Variants in DENND4A observed in about 807,000 individuals in gnomAD.
DENND4A encodes DENN domain containing 4A, also known as C-myc promoter-binding protein.
A neutral mutation model predicts 199.3 loss-of-function variants in DENND4A; 70 were observed. The observed-to-expected ratio is 0.35, with a 90% CI of 0.29 to 0.43. The LOEUF (loss-of-function observed/expected upper bound fraction) is 0.43, where lower values mean the gene tolerates loss of function less well. Among genes scored for constraint, DENND4A ranks in the 20% least tolerant of loss-of-function variants. DENND4A has a pLI of 1.00. For synonymous variants in DENND4A, 686 were observed against 766.9 expected (o/e 0.89, Z 1.74); for missense variants, 1,723 against 2,255.8 (o/e 0.76, Z 4.78).
Position 65,702,912 on chromosome 15 carries a change from A to C in DENND4A, c.2184T>G (p.Ser728Arg). ...KKNKLPSKSS[S>R]PNSPLPMFRR... The stretch of plus-strand genomic sequence containing the variant: ...TGAACATGGGCAAAGGGCTATTAGG[A>C]CTACTTGATTTTGAAGGCAATTTGT... The change falls in exon 16 of 33, where the codon AGT (serine) becomes AGG (arginine). Residue 728 changes from serine to arginine, a missense_variant. Around this residue, in one of 6 missense-constraint regions of DENND4A, gnomAD observed 725 missense variants for 952.9 expected, o/e 0.76. Coordinates refer to ENST00000443035, the MANE Select transcript of DENND4A (RefSeq NM_001320835.1). 1 of 1,613,390 alleles carries C rather than the reference A, an allele frequency of 6.2e-7. No individual in the cohort carries two copies. Among genetic ancestry groups the C allele is most frequent in the South Asian group, 1.1e-5 (1 of 91,062 alleles).
At chr15:65,730,430 A>C (rs1343120694) in intron 9 of DENND4A, among the ~76,000 whole-genome samples, 1 of 152,128 alleles carries the variant, frequency 6.6e-6, no homozygotes, top group Non-Finnish European at 1.5e-5. Flanking sequence ...ATATGTCCAC[A>C]AAAAAATCGG....
Position 65,706,323 on chromosome 15 carries a change from A to C in DENND4A, c.1954-99T>G, listed in dbSNP as rs149555174. 3.5e-4 allele frequency: 406 copies of C among 1,146,920 alleles called. 1 individual carries two copies. The African/African-American group carries it at 5.9e-3, about 17-fold the overall frequency. 71.0% of individuals were successfully genotyped at this position (1,146,920 alleles called of 1,614,324 possible). On this transcript the variant is annotated intron_variant, in intron 14 of 32. Coordinates refer to ENST00000443035, the MANE Select transcript of DENND4A (RefSeq NM_001320835.1). ...TAAATAAACCATCTGCACAATGGAT[A>C]CTAAACAGCTATTAAAAAAGAAGAG...
intron 4 of DENND4A, among the ~76,000 whole-genome samples, chr15:65,745,020 C>A (rs2076353301): frequency 6.6e-6 from 1 of 152,134 alleles, no homozygotes; most frequent in Non-Finnish European, 1.5e-5. Context: ...ACTTTGGTTT[C>A]TCTGATATTT....
At chr15:65,767,358 G>A (rs890838371) in intron 1 of DENND4A, 9 of 152,200 alleles carry the variant, frequency 5.9e-5, no homozygotes, top group African/African-American at 2.2e-4. Flanking sequence ...TGAGGGTACA[G>A]ATTTTTCTGT....
In DENND4A at chr15:65,670,201, A is replaced by G; in HGVS notation, c.4465-13T>C. The G allele has an allele frequency of 1.4e-6, 2 of 1,476,644 alleles. No homozygotes were observed. The highest frequency in any genetic ancestry group is 2.4e-5 in the East Asian group (1 of 42,480). The allele number at this position is 1,476,644 out of a possible 1,614,324, so 91.5% of individuals were successfully genotyped here. On this transcript the variant is annotated splice_polypyrimidine_tract_variant and intron_variant, in intron 25 of 32. Transcript: ENST00000443035. The stretch of plus-strand genomic sequence containing the variant: ...TTGAGATGAGAACCTGTGGGAGAAG[A>G]TAGCACTTTATAAAGAAAGCTGGTT...
At chr15:65,698,304 T>C (rs976608113) in intron 20 of DENND4A, among the ~76,000 whole-genome samples, 1 of 150,038 alleles carries the variant, frequency 6.7e-6, no homozygotes, top group Non-Finnish European at 1.5e-5. Context: ...ATAAAAAAAT[T>C]TTCTAATACA....
At chr15:65,664,818 C>T (rs2075982728) in intron 30 of DENND4A, 96 bp from the exon 31 acceptor site, 1 of 1,081,726 alleles carries the variant, frequency 9.2e-7, no homozygotes. Flanking sequence ...TTACAAAGCA[C>T]TAAAAATAAA....
chr15:65,706,685 G>A (rs968796304), intron 14 of DENND4A, among the ~76,000 whole-genome samples: 4 of 152,094 alleles, frequency 2.6e-5, no homozygotes, highest in Non-Finnish European at 2.9e-5. Flanking sequence ...TAGTAGAGAC[G>A]GGGTTTCACC....
intron 11 of DENND4A, among the ~76,000 whole-genome samples, chr15:65,724,561 A>G (rs185658853): frequency 2.6e-5 from 4 of 152,272 alleles, no homozygotes. Context: ...TACAGAACAA[A>G]AAAGGGCAAA....
At chr15:65,714,914 C>G (rs2075351879) in intron 14 of DENND4A, among the ~76,000 whole-genome samples, 1 of 152,094 alleles carries the variant, frequency 6.6e-6, no homozygotes, top group African/African-American at 2.4e-5. Flanking sequence ...TTTTGAAACC[C>G]CTCTCTGGAC....
intron 5 of DENND4A, among the ~76,000 whole-genome samples, chr15:65,740,298 G>C (rs908462885): frequency 6.8e-6 from 1 of 147,682 alleles, no homozygotes; most frequent in Non-Finnish European, 1.5e-5. Context: ...AAAAAAGAAA[G>C]AAAAAAAAAG....
rs936292303 is a variant in DENND4A at position 65,752,357 on chromosome 15, C to T, written c.561+22G>A. The T allele has an allele frequency of 3.0e-6, 4 of 1,328,230 alleles. No individual in the cohort carries two copies. In the African/African-American group the frequency reaches 6.3e-5, roughly 21 times the overall value. 82.3% of individuals were successfully genotyped at this position (1,328,230 alleles called of 1,614,324 possible). ...CTCTTTTCATCAGTGGTTAATGTTA[C>T]CAGTGCAAGTAAGTCACTTACCATA... is the stretch of plus-strand genomic sequence containing the variant. On this transcript the variant is annotated intron_variant, in intron 4 of 32. Coordinates refer to ENST00000443035, the MANE Select transcript of DENND4A (RefSeq NM_001320835.1).
In DENND4A at chr15:65,771,874, T is replaced by A. The variant is rs1044777391; in HGVS notation, c.-101-10436A>T. The A allele has an allele frequency of 2.3e-5, 37 of 1,611,812 alleles. 1 individual carries two copies. The highest frequency in any genetic ancestry group is 5.9e-6 in the Non-Finnish European group (7 of 1,179,586). Reference sequence around the variant, plus strand: ...AGCATTCCCAACCTTTTTAAAAGCATCTGTTGCTCCAGGTGCATGGTTTTT... The same window carrying A: ...AGCATTCCCAACCTTTTTAAAAGCAACTGTTGCTCCAGGTGCATGGTTTTT... On this transcript the variant is annotated intron_variant, in intron 1 of 32. Coordinates refer to ENST00000443035, the MANE Select transcript of DENND4A (RefSeq NM_001320835.1).
At chr15:65,702,231 T>G in intron 17 of DENND4A, 74 bp downstream of exon 17, 2 of 1,229,334 alleles carry the variant, frequency 1.6e-6, no homozygotes, top group African/African-American at 1.5e-5. Flanking sequence ...ACTGCATCAC[T>G]GCACTCCAGC....
intron 9 of DENND4A, 152 bp downstream of exon 9, chr15:65,731,490 C>G (rs1339071543): frequency 1.4e-6 from 1 of 701,690 alleles, no homozygotes; most frequent in African/African-American, 1.8e-5. Flanking sequence ...TTAATAACTG[C>G]AACCCAAACA....
At chr15:65,786,463 C>T (rs1293571391) in intron 1 of DENND4A, among the ~76,000 whole-genome samples, 2 of 152,050 alleles carry the variant, frequency 1.3e-5, no homozygotes, top group African/African-American at 4.8e-5. Flanking sequence ...GGCACAGTTG[C>T]TCATGCCTAT....
intron 8 of DENND4A, among the ~76,000 whole-genome samples, chr15:65,731,933 T>TC (rs1243411514): frequency 6.6e-6 from 1 of 152,070 alleles, no homozygotes; most frequent in Non-Finnish European, 1.5e-5. Context: ...CTCAATGGTT[T>TC]CCCCTGATGC....
chr15:65,670,288 G>T (rs1375099858), intron 25 of DENND4A, 100 bp from the exon 26 acceptor site: 2 of 998,326 alleles, frequency 2.0e-6, no homozygotes, highest in Middle Eastern at 2.4e-4. Flanking sequence ...TTAAAACCCA[G>T]AAGGATTCAG....
intron 11 of DENND4A, among the ~76,000 whole-genome samples, chr15:65,727,605 G>C (rs1039728611): frequency 1.3e-5 from 2 of 152,114 alleles, no homozygotes; most frequent in Admixed American, 6.6e-5. Context: ...CTGAGTGACA[G>C]AGTAAGACCC....
Sources: allele counts gnomAD v4.1 joint callset (sites outside exome capture counted in the v4.1 genomes callset), GRCh38; gene constraint gnomAD v4.1.1; regional missense constraint gnomAD v4.1.1; transcripts MANE v1.5; gene names NCBI Gene and HGNC (gene_info 2026-07-23, HGNC 2026-07-21).